Variants in KALRN observed in about 807,000 individuals in gnomAD.
KALRN encodes kalirin.
In KALRN, 70 loss-of-function variants were observed where a neutral mutation model predicts 353.7. The ratio of observed to expected loss-of-function variants is 0.20; its 90% CI spans 0.16 to 0.24. The LOEUF (loss-of-function observed/expected upper bound fraction) is 0.24, where lower values mean the gene tolerates loss of function less well. Ranked by LOEUF, KALRN falls within the 10% of genes least tolerant of loss-of-function variation. The probability of loss-of-function intolerance (pLI) is 1.00; values close to 1 mark genes in which losing one functional copy is unlikely to be tolerated. For synonymous variants in KALRN, 1,391 were observed against 1,434.8 expected, an observed-to-expected ratio of 0.97 and a Z score of 0.69; for missense variants, 2,791 against 3,756.7, an observed-to-expected ratio of 0.74 and a Z score of 6.72.
chr3:124,154,200 C>G (rs535960923), intron 1 of KALRN, among the ~76,000 whole-genome samples: 191 of 152,270 alleles, frequency 1.3e-3, no homozygotes, highest in African/African-American at 4.5e-3. Context: ...AAAATTGGCA[C>G]AAGACAGGGA....
rs182671124 is a variant in KALRN, at chr3:124,465,743, C to T, written c.4031+3110C>T. Among the ~76,000 whole-genome samples, 508 of 152,236 alleles carry T rather than the reference C, an allele frequency of 3.3e-3. 3 individuals carry two copies. Among genetic ancestry groups the T allele is most frequent in the Middle Eastern group, 6.8e-3 (2 of 294 alleles). On this transcript the variant is annotated intron_variant, in intron 25 of 59. Transcript: ENST00000682506. ...AAAGTTGCAATTAAGCATTGTCTAA[C>T]GGAAACATGCTCCTCTCATTTCTAG...
chr3:124,633,247 A>G lies in KALRN; in HGVS notation c.5466+544A>G, dbSNP rs2080976327. ...TCAGTCAGTGATTAAATGGGCCTTCATGAAAACTAATGAACGCCCATACTG... is the reference window on the plus strand; with the variant it reads ...TCAGTCAGTGATTAAATGGGCCTTCGTGAAAACTAATGAACGCCCATACTG... On this transcript the variant is annotated intron_variant, in intron 35 of 59. Transcript: ENST00000682506. 2.6e-5 allele frequency among the ~76,000 whole-genome samples: 4 copies of G among 152,382 alleles called. No individual in the cohort carries two copies. In the South Asian group the frequency reaches 8.3e-4, roughly 32 times the overall value.
chr3:124,664,700 C>T (rs1288081217), intron 45 of KALRN, among the ~76,000 whole-genome samples: 1 of 152,210 alleles, frequency 6.6e-6, no homozygotes, highest in African/African-American at 2.4e-5. Flanking sequence ...TGAGCCACTG[C>T]ACCCAGCCCA....
intron 5 of KALRN, among the ~76,000 whole-genome samples, chr3:124,277,155 C>T (rs555407144): frequency 2.6e-5 from 4 of 152,212 alleles, no homozygotes; most frequent in Non-Finnish European, 5.9e-5. Flanking sequence ...CTGGACAGGC[C>T]TCCAGAGGGG....
intron 51 of KALRN, among the ~76,000 whole-genome samples, chr3:124,687,924 G>A (rs535371052): frequency 1.3e-5 from 2 of 152,290 alleles, no homozygotes; most frequent in Non-Finnish European, 2.9e-5. Flanking sequence ...TTGGGAGTAA[G>A]GAACTAGTTG....
At chr3:124,080,686 G>A (rs2060496654) in intron 1 of KALRN, among the ~76,000 whole-genome samples, 1 of 152,116 alleles carries the variant, frequency 6.6e-6, no homozygotes, top group Admixed American at 6.5e-5. Context: ...TGCTTCTCTA[G>A]GGTAGATACA....
At chr3:124,151,235 T>A (rs1400023165) in intron 1 of KALRN, among the ~76,000 whole-genome samples, 1 of 152,194 alleles carries the variant, frequency 6.6e-6, no homozygotes, top group Non-Finnish European at 1.5e-5. Context: ...TATGAGTATG[T>A]TTAGCTTTAA....
intron 54 of KALRN, 66 bp from the exon 55 acceptor site, chr3:124,697,527 T>C: frequency 6.7e-7 from 1 of 1,482,906 alleles, no homozygotes; most frequent in East Asian, 2.4e-5. Context: ...CTAGATGACT[T>C]ATACCTTGGT....
chr3:124,286,126 TCTTTCTTTCTTTC>T (rs1199305999), intron 5 of KALRN, among the ~76,000 whole-genome samples: 3 of 148,764 alleles, frequency 2.0e-5, no homozygotes, highest in South Asian at 2.1e-4. Flanking sequence ...TTTCTTTCTT[TCTTTCTTTCTTTC>T]CTTTCTTTCT....
Position 124,658,442 on chromosome 3 carries a change from G to T in KALRN, c.6048G>T (p.Leu2016=). ...CTCTGCTCTTTCAGGAGCGGAAGCT[G>T]CACATCTACGTGTGGTATTGTCAGA... ...AQLFIKHERK[L]HIYVWYCQNK... The change falls in exon 42 of 60, where the codon CTG becomes CTT. Residue 2016 remains leucine (L), a synonymous_variant. Coordinates refer to ENST00000682506, the MANE Select transcript of KALRN (RefSeq NM_001388419.1). 1 of 1,613,316 alleles carries T rather than the reference G, an allele frequency of 6.2e-7. No homozygotes were observed. The highest frequency in any genetic ancestry group is 8.5e-7 in the Non-Finnish European group (1 of 1,179,234).
At chr3:124,467,729 C>G (rs1446421760) in intron 25 of KALRN, among the ~76,000 whole-genome samples, 1 of 152,016 alleles carries the variant, frequency 6.6e-6, no homozygotes, top group South Asian at 2.1e-4. Context: ...ACATCCATGT[C>G]TGTAAGACGA....
chr3:124,502,178 A>G (rs1289828836), intron 33 of KALRN, among the ~76,000 whole-genome samples: 1 of 152,246 alleles, frequency 6.6e-6, no homozygotes, highest in African/African-American at 2.4e-5. Context: ...CAAAGGTCAA[A>G]GGAGAGCACC....
intron 1 of KALRN, among the ~76,000 whole-genome samples, chr3:124,220,328 A>G (rs1229812900): frequency 6.6e-6 from 1 of 152,084 alleles, no homozygotes; most frequent in Non-Finnish European, 1.5e-5. Context: ...ATAGCTCCTT[A>G]GTGTCTATAA....
At chr3:124,435,388 G>A (rs1179418224) in intron 17 of KALRN, among the ~76,000 whole-genome samples, 2 of 152,212 alleles carry the variant, frequency 1.3e-5, no homozygotes, top group East Asian at 1.9e-4. Flanking sequence ...GGGCCATAAC[G>A]ATGCAGTGTG....
chr3:124,381,027 C>A (rs980660866), intron 10 of KALRN, among the ~76,000 whole-genome samples: 27 of 151,972 alleles, frequency 1.8e-4, no homozygotes, highest in African/African-American at 6.0e-4. Context: ...CATTATCTGC[C>A]CCTAAGCAGA....
intron 25 of KALRN, among the ~76,000 whole-genome samples, chr3:124,463,232 A>G (rs1577133863): frequency 6.6e-6 from 1 of 152,368 alleles, no homozygotes; most frequent in Non-Finnish European, 1.5e-5. Context: ...CAGCAAAAAA[A>G]TTGGCATGAT....
intron 3 of KALRN, among the ~76,000 whole-genome samples, chr3:124,258,558 G>A (rs1433769671): frequency 6.6e-6 from 1 of 152,126 alleles, no homozygotes; most frequent in Non-Finnish European, 1.5e-5. Context: ...TCAGAAGATG[G>A]TTCTTTTCCT....
intron 1 of KALRN, among the ~76,000 whole-genome samples, chr3:124,075,566 T>A (rs2060219683): frequency 6.6e-6 from 1 of 152,226 alleles, no homozygotes; most frequent in African/African-American, 2.4e-5. Context: ...TATGAGCCAT[T>A]TCTTTCTCCA....
chr3:124,290,072 C>T (rs1276853551), intron 5 of KALRN, among the ~76,000 whole-genome samples: 2 of 152,238 alleles, frequency 1.3e-5, no homozygotes, highest in African/African-American at 4.8e-5. Flanking sequence ...GATTGGTAAG[C>T]TTTCAAAATT....
Sources: gnomAD v4.1 joint callset for allele counts (sites outside exome capture counted in the v4.1 genomes callset) on GRCh38, gnomAD v4.1.1 for gene constraint, MANE v1.5 for transcripts, NCBI Gene and HGNC (gene_info 2026-07-23, HGNC 2026-07-21) for gene names.